Variants in PC observed in about 807,000 individuals in gnomAD.
PC encodes the protein pyruvate carboxylase.
Under a neutral mutation model 107.8 loss-of-function variants are expected in PC, and 46 were observed. The observed-to-expected ratio is 0.43, with a 90% CI of 0.34 to 0.55. The LOEUF (loss-of-function observed/expected upper bound fraction) is 0.55, where lower values mean the gene tolerates loss of function less well. Among genes scored for constraint, PC ranks in the 20% least tolerant of loss-of-function variants. The probability of loss-of-function intolerance (pLI) is 0.04; values close to 1 mark genes in which losing one functional copy is unlikely to be tolerated. For synonymous variants in PC, 662 were observed against 684.7 expected, an observed-to-expected ratio of 0.97 and a Z score of 0.52; for missense variants, 1,241 against 1,643.1, an observed-to-expected ratio of 0.76 and a Z score of 4.23.
At chr11:66,877,506 G>A (rs1002418361) in intron 3 of PC, among the ~76,000 whole-genome samples, 2 of 152,200 alleles carry the variant, frequency 1.3e-5, no homozygotes, top group African/African-American at 4.8e-5. Flanking sequence ...TGGCTAACAC[G>A]GTGAAACCCC....
At chr11:66,946,092 CAAAAAAAAA>C (rs757767116) in intron 3 of PC, among the ~76,000 whole-genome samples, 1 of 66,076 alleles carries the variant, frequency 1.5e-5, no homozygotes, top group African/African-American at 5.3e-5. Flanking sequence ...GACTCCGTCT[CAAAAAAAAA>C]AAAAAAAAAA....
chr11:66,902,770 C>T (rs1948007292), intron 3 of PC, among the ~76,000 whole-genome samples: 2 of 152,250 alleles, frequency 1.3e-5, no homozygotes, highest in Non-Finnish European at 2.9e-5. Flanking sequence ...CAAACTCTGA[C>T]CACAGCCCTT....
chr11:66,849,577 G>C, intron 21 of PC, 34 bp downstream of exon 21: 1 of 1,613,918 alleles, frequency 6.2e-7, no homozygotes, highest in Non-Finnish European at 8.5e-7. Flanking sequence ...CAGGGGGCCA[G>C]GGTGGAGTGT....
Position 66,852,912 on chromosome 11 carries a change from G to A in PC, c.1514-76C>T, listed in dbSNP as rs1438702404. 2.6e-6 allele frequency: 3 copies of A among 1,139,812 alleles called. No individual in the cohort carries two copies. In the East Asian group the frequency reaches 7.3e-5, roughly 28 times the overall value. 70.6% of individuals were successfully genotyped at this position (1,139,812 alleles called of 1,614,324 possible). On this transcript the variant is annotated intron_variant, in intron 13 of 22. Coordinates refer to ENST00000393960, the MANE Select transcript of PC (RefSeq NM_001040716.2). This position sits in a 1 kb window ranked among gnomAD's most constrained non-coding sequence, Gnocchi z 4.7. ...CGAGGGCAGCAGTGAGAGTGGCTGG[G>A]CTCAGGGACAGGGACACATCCCTCC...
In PC at chr11:66,951,028, G is replaced by A. The variant is rs1949422850; in HGVS notation, c.-1+1402C>T. Among the ~76,000 whole-genome samples the A allele has an allele frequency of 2.0e-5, 3 of 152,210 alleles. No individual in the cohort carries two copies. The South Asian group carries it at 6.2e-4, about 32-fold the overall frequency. ...ATGAGCCCATTGCCCTTACTCAATGGTAGCACGCAGACGGCACCTGCTGGC... is the reference window on the plus strand; with the variant it reads ...ATGAGCCCATTGCCCTTACTCAATGATAGCACGCAGACGGCACCTGCTGGC... On this transcript the variant is annotated intron_variant, in intron 3 of 22. Transcript: ENST00000393960.
intron 3 of PC, among the ~76,000 whole-genome samples, chr11:66,918,987 A>G (rs1288076120): frequency 2.0e-5 from 3 of 152,162 alleles, no homozygotes; most frequent in East Asian, 1.9e-4. Context: ...TCCAGCACCC[A>G]TATCAACAAG....
intron 3 of PC, among the ~76,000 whole-genome samples, chr11:66,925,482 G>A (rs1162307805): frequency 4.6e-5 from 7 of 152,268 alleles, no homozygotes; most frequent in South Asian, 2.1e-4. Flanking sequence ...GCTCTGCTCC[G>A]CCCAGCTCAC....
At position 66,868,829 on chromosome 11, in the gene PC, T is replaced by G. The variant is rs773789384; in HGVS notation, c.1022+17A>C. On this transcript the variant is annotated intron_variant, in intron 10 of 22. Transcript: ENST00000393960. ...TAGAAGCCGCGCCTCCCGCCCCGCC[T>G]GCCCGCCCACACTCACTCGGTGATC... The G allele has an allele frequency of 6.3e-7, 1 of 1,596,034 alleles. No individual in the cohort carries two copies. Among genetic ancestry groups the G allele is most frequent in the Non-Finnish European group, 8.6e-7 (1 of 1,164,278 alleles).
At chr11:66,884,184 C>A (rs966241928) in intron 3 of PC, among the ~76,000 whole-genome samples, 1 of 148,968 alleles carries the variant, frequency 6.7e-6, no homozygotes, top group South Asian at 2.1e-4. Context: ...GCAGAGGTTG[C>A]GGTGGGCTGA....
intron 3 of PC, among the ~76,000 whole-genome samples, chr11:66,906,823 TC>T (rs1484493766): frequency 6.6e-6 from 1 of 152,190 alleles, no homozygotes; most frequent in East Asian, 1.9e-4. Context: ...AGATGTTCTC[TC>T]CCCTTAGATC....
intron 3 of PC, among the ~76,000 whole-genome samples, chr11:66,893,356 G>A (rs1386964534): frequency 2.0e-5 from 3 of 152,212 alleles, no homozygotes; most frequent in Non-Finnish European, 4.4e-5. Context: ...GAGACGGGGA[G>A]TGAGGGGAGC....
At chr11:66,940,521 CCA>C (rs1462782877) in intron 3 of PC, among the ~76,000 whole-genome samples, 2 of 151,162 alleles carry the variant, frequency 1.3e-5, no homozygotes, top group Non-Finnish European at 2.9e-5. Context: ...AACGCTGTCT[CCA>C]CAAAAAATAC....
chr11:66,926,950 T>C (rs1948731517), intron 3 of PC, among the ~76,000 whole-genome samples: 1 of 151,692 alleles, frequency 6.6e-6, no homozygotes, highest in Non-Finnish European at 1.5e-5. Context: ...TGTTTAGCCA[T>C]TCATTGGTTG....
intron 3 of PC, among the ~76,000 whole-genome samples, chr11:66,915,767 G>A (rs936824073): frequency 2.6e-5 from 4 of 152,202 alleles, no homozygotes; most frequent in Non-Finnish European, 1.5e-5. Flanking sequence ...GTAACAGAGA[G>A]GGCAGTCAGG....
chr11:66,849,564 G>A, intron 21 of PC, 47 bp downstream of exon 21: 3 of 1,613,634 alleles, frequency 1.9e-6, no homozygotes, highest in Non-Finnish European at 2.5e-6. Context: ...CAGAGCTCTG[G>A]GGCAGGGGGC....
At chr11:66,883,349 C>T (rs1439612819) in intron 3 of PC, among the ~76,000 whole-genome samples, 1 of 152,170 alleles carries the variant, frequency 6.6e-6, no homozygotes, top group Non-Finnish European at 1.5e-5. Flanking sequence ...CCCTGGCGCA[C>T]GAGGAGCCAG....
intron 1 of PC, among the ~76,000 whole-genome samples, chr11:66,954,819 T>G (rs963377581): frequency 6.6e-6 from 1 of 152,056 alleles, no homozygotes; most frequent in African/African-American, 2.4e-5. Flanking sequence ...GGTTGGTGCC[T>G]GTAATCCCAG....
At chr11:66,849,573 G>C in intron 21 of PC, 38 bp downstream of exon 21, 10 of 1,613,848 alleles carry the variant, frequency 6.2e-6, no homozygotes, top group African/African-American at 1.3e-5. Context: ...GGGGCAGGGG[G>C]CCAGGGTGGA....
intron 12 of PC, among the ~76,000 whole-genome samples, chr11:66,854,312 G>A (rs949594615): frequency 1.6e-4 from 24 of 152,190 alleles, no homozygotes; most frequent in African/African-American, 5.1e-4. Flanking sequence ...AAGGGCCTTC[G>A]CCCTGTCCTC....
Sources: allele counts gnomAD v4.1 joint callset (sites outside exome capture counted in the v4.1 genomes callset), GRCh38; gene constraint gnomAD v4.1.1; non-coding constraint Gnocchi (gnomAD v3.1); transcripts MANE v1.5; gene names NCBI Gene and HGNC (gene_info 2026-07-23, HGNC 2026-07-21).